The following TMCO1 variants were observed in gnomAD, a reference collection of about 807,000 sequenced individuals.
TMCO1 encodes calcium load-activated calcium channel.
In TMCO1, 29 loss-of-function variants were observed where a neutral mutation model predicts 29.3. The ratio of observed to expected loss-of-function variants is 0.99; its 90% CI spans 0.74 to 1.35. TMCO1 has a LOEUF of 1.35. Among genes scored for constraint, TMCO1 ranks in the 40% most tolerant of loss-of-function variants. The pLI is 0.00. For missense variants in TMCO1, 173 were observed against 225.5 expected (o/e 0.77, Z 1.49); for synonymous variants, 80 against 77.1 (o/e 1.04, Z -0.20).
intron 6 of TMCO1, among the ~76,000 whole-genome samples, chr1:165,741,281 T>G (rs1476336764): frequency 1.3e-5 from 2 of 152,218 alleles, no homozygotes; most frequent in African/African-American, 4.8e-5. Context: ...TTCCCATTCT[T>G]TTCATCCCTC....
At chr1:165,761,379 T>A (rs896257846) in intron 2 of TMCO1, among the ~76,000 whole-genome samples, 1 of 151,370 alleles carries the variant, frequency 6.6e-6, no homozygotes, top group African/African-American at 2.4e-5. Flanking sequence ...TATAAAAAAT[T>A]GAAAAATTAG....
chr1:165,761,198 T>C (rs1490421363), intron 2 of TMCO1, among the ~76,000 whole-genome samples: 2 of 152,076 alleles, frequency 1.3e-5, no homozygotes, highest in Non-Finnish European at 2.9e-5. Context: ...TGTGTGTTTG[T>C]TCTGGAAGAC....
chr1:165,752,077 C>A, intron 5 of TMCO1, 25 bp downstream of exon 5: 1 of 1,577,672 alleles, frequency 6.3e-7, no homozygotes, highest in Non-Finnish European at 8.7e-7. Flanking sequence ...AGTTATTAGT[C>A]AAAAGCATAT....
At chr1:165,725,233 A>G (rs1199600388), downstream of TMCO1, 2 of 453,862 alleles carry the variant, frequency 4.4e-6, no homozygotes, top group African/African-American at 2.0e-5. Flanking sequence ...ATAGTCTGAA[A>G]AAAACCTACT....
intron 2 of TMCO1, among the ~76,000 whole-genome samples, chr1:165,766,501 G>C (rs1251343582): frequency 6.6e-6 from 1 of 152,156 alleles, no homozygotes. Context: ...AGAATGATCA[G>C]TAAGGGCTGG....
chr1:165,728,313 G>A (rs1453635420), intron 6 of TMCO1, among the ~76,000 whole-genome samples, 192 bp from the exon 7 acceptor site: 1 of 151,284 alleles, frequency 6.6e-6, no homozygotes. Flanking sequence ...CTGGAGTGCA[G>A]TGGAGCAATC....
chr1:165,768,599 G>A (rs1652670657), intron 1 of TMCO1, 83 bp downstream of exon 1: 1 of 1,609,022 alleles, frequency 6.2e-7, no homozygotes, highest in Non-Finnish European at 8.5e-7. Context: ...TAAGGCTCGC[G>A]ATCTTTCCCC....
At position 165,751,170 on chromosome 1, in the gene TMCO1, CA is replaced by C. The variant is rs1319700688; in HGVS notation, c.323+931del. ...CTGGTCTGCTATATGCTGGTTTAGA[CA>C]ACAGTAATTTACCTTATCATTAAAC... On this transcript the variant is annotated intron_variant, in intron 5 of 6. Coordinates refer to ENST00000367881, the MANE Select transcript of TMCO1 (RefSeq NM_019026.6). Among the ~76,000 whole-genome samples the C allele has an allele frequency of 2.6e-5, 4 of 152,152 alleles. No homozygotes were observed. The East Asian group carries it at 7.7e-4, about 29-fold the overall frequency.
At chr1:165,742,476 T>G (rs1651634404) in intron 6 of TMCO1, among the ~76,000 whole-genome samples, 1 of 152,186 alleles carries the variant, frequency 6.6e-6, no homozygotes, top group East Asian at 1.9e-4. Context: ...TTGCCTAGGC[T>G]GGTCTCAAAT....
In TMCO1 at chr1:165,766,036, A is replaced by G. The variant is rs761313729; in HGVS notation, c.148+2156T>C. On this transcript the variant is annotated intron_variant, in intron 2 of 6. Coordinates refer to ENST00000367881, the MANE Select transcript of TMCO1 (RefSeq NM_019026.6). ...AATGAAAAGTGGTCAGATTCTGGATATCGGAAGCTTTCTGAACCTTTACTG... is the reference window on the plus strand; with the variant it reads ...AATGAAAAGTGGTCAGATTCTGGATGTCGGAAGCTTTCTGAACCTTTACTG... Among the ~76,000 whole-genome samples, 6 of 152,356 alleles carry G rather than the reference A, an allele frequency of 3.9e-5. No individual in the cohort carries two copies. The East Asian group carries it at 9.6e-4, about 24-fold the overall frequency.
downstream of TMCO1, chr1:165,724,781 G>A (rs974848718): frequency 6.6e-6 from 3 of 453,638 alleles, no homozygotes; most frequent in African/African-American, 4.0e-5. Flanking sequence ...TTAAGGAATT[G>A]TCCATTTTCT....
chr1:165,735,678 C>T (rs1200632463), intron 6 of TMCO1, among the ~76,000 whole-genome samples: 1 of 152,028 alleles, frequency 6.6e-6, no homozygotes, highest in African/African-American at 2.4e-5. Flanking sequence ...CCATGCCTGG[C>T]TAATTTTTGT....
At chr1:165,724,857 G>A, downstream of TMCO1, 1 of 453,776 alleles carries the variant, frequency 2.2e-6, no homozygotes, top group South Asian at 1.6e-5. Context: ...ACAGATAAAT[G>A]ATAAGATTTG....
chr1:165,747,931 G>T (rs570132165), intron 5 of TMCO1, among the ~76,000 whole-genome samples: 164 of 152,194 alleles, frequency 1.1e-3, no homozygotes, highest in Non-Finnish European at 1.8e-3. Flanking sequence ...GGCCGAGGCA[G>T]GCAGATCACC....
chr1:165,733,766 C>G (rs1467794823), intron 6 of TMCO1, among the ~76,000 whole-genome samples: 2 of 152,172 alleles, frequency 1.3e-5, no homozygotes, highest in Non-Finnish European at 2.9e-5. Flanking sequence ...TCCTGTATAA[C>G]AGGGTAACAA....
At chr1:165,731,821 C>G (rs577543381) in intron 6 of TMCO1, among the ~76,000 whole-genome samples, 1 of 152,342 alleles carries the variant, frequency 6.6e-6, no homozygotes, top group Admixed American at 6.5e-5. Context: ...TCTATACTTT[C>G]CTTTACTCTA....
intron 4 of TMCO1, 54 bp from the exon 5 acceptor site, chr1:165,752,223 G>A: frequency 8.9e-7 from 1 of 1,117,650 alleles, no homozygotes; most frequent in Admixed American, 1.8e-5. Flanking sequence ...CACATCTAAA[G>A]CATATCTCAA....
Position 165,727,164 on chromosome 1 carries a change from GA to G in TMCO1, c.*858del. ...TTGTGACTAAAAGGAAGCTCTGCGA[GA>G]TTAACAACATATAACTATAACCTTG... On this transcript the variant is annotated 3_prime_UTR_variant, in exon 7 of 7. Coordinates refer to ENST00000367881, the MANE Select transcript of TMCO1 (RefSeq NM_019026.6). The G allele has an allele frequency of 2.2e-6, 1 of 454,084 alleles. No homozygotes were observed. Among genetic ancestry groups the G allele is most frequent in the Non-Finnish European group, 4.4e-6 (1 of 226,792 alleles). 28.1% of individuals were successfully genotyped at this position (454,084 alleles called of 1,614,324 possible). A position where few individuals can be genotyped will look rare whatever the true frequency, so the allele number is the denominator to read the frequency against.
intron 4 of TMCO1, 83 bp from the exon 5 acceptor site, chr1:165,752,252 ATTTTTTTT>A: frequency 2.3e-6 from 1 of 427,958 alleles, no homozygotes. Context: ...GTTTCATGTC[ATTTTTTTT>A]TTTTTTTTTT....
Sources: allele counts gnomAD v4.1 joint callset (sites outside exome capture counted in the v4.1 genomes callset), GRCh38; gene constraint gnomAD v4.1.1; transcripts MANE v1.5; gene names NCBI Gene and HGNC (gene_info 2026-07-23, HGNC 2026-07-21).